Variants in ESYT2 observed in about 807,000 individuals in gnomAD.
ESYT2 encodes the protein extended synaptotagmin-2.
ESYT2 carries 54 observed loss-of-function variants against 107.2 expected under a neutral mutation model. The observed-to-expected ratio is 0.50, with a 90% CI of 0.40 to 0.63. The LOEUF (loss-of-function observed/expected upper bound fraction) is 0.63. ESYT2 is among the 30% of genes least tolerant of loss of function. The pLI, the probability that ESYT2 is intolerant of heterozygous loss-of-function variation, is 0.00. For missense variants in ESYT2, 1,020 were observed against 1,094.5 expected, an observed-to-expected ratio of 0.93 and a Z score of 0.96; for synonymous variants, 491 against 434.1, an observed-to-expected ratio of 1.13 and a Z score of -1.63.
chr7:158,763,025 T>C, intron 10 of ESYT2, 58 bp downstream of exon 10: 1 of 1,229,190 alleles, frequency 8.1e-7, no homozygotes, highest in Non-Finnish European at 1.2e-6. Context: ...CTTTTGATTA[T>C]TAAACAAAAA....
intron 1 of ESYT2, among the ~76,000 whole-genome samples, chr7:158,818,411 G>C (rs113854923): frequency 6.6e-6 from 1 of 152,204 alleles, no homozygotes; most frequent in Non-Finnish European, 1.5e-5. Flanking sequence ...ATACTTGCAA[G>C]TGTTAATAAC....
At chr7:158,735,399 T>G in intron 21 of ESYT2, 104 bp downstream of exon 21, 1 of 855,810 alleles carries the variant, frequency 1.2e-6, no homozygotes, top group Non-Finnish European at 1.9e-6. Context: ...ACCTCGTAAG[T>G]TCGCCCCTTC....
At chr7:158,778,847 C>CT (rs1287355929) in intron 6 of ESYT2, among the ~76,000 whole-genome samples, 3,866 of 143,478 alleles carry the variant, frequency 0.027, 92 homozygotes, top group African/African-American at 0.07. Context: ...GCTGGCTTCA[C>CT]TTTTTTTTTT....
chr7:158,792,326 C>G (rs1176940340), intron 4 of ESYT2, among the ~76,000 whole-genome samples: 1 of 150,658 alleles, frequency 6.6e-6, no homozygotes, highest in Non-Finnish European at 1.5e-5. Flanking sequence ...GAGTTCGAGA[C>G]TAGCCTGAGA....
chr7:158,784,711 T>C (rs1839047715), intron 6 of ESYT2, among the ~76,000 whole-genome samples: 1 of 152,256 alleles, frequency 6.6e-6, no homozygotes, highest in Non-Finnish European at 1.5e-5. Context: ...GTCTCCTTTT[T>C]ATCCCCATTT....
rs190597733 is a variant in ESYT2, at chr7:158,767,339, G to A, written c.924+315C>T. Among the ~76,000 whole-genome samples, 58 of 152,288 alleles carry A rather than the reference G, an allele frequency of 3.8e-4. No homozygotes were observed. In the East Asian group the frequency reaches 0.01, roughly 27 times the overall value. ...GTCCATTTTAATAAAAACAAATGCA[G>A]TATGTGCTTTCTGAGGTAACTAAGA... On this transcript the variant is annotated intron_variant, in intron 8 of 22. Coordinates refer to ENST00000275418, the MANE Select transcript of ESYT2 (RefSeq NM_001367773.1).
intron 3 of ESYT2, among the ~76,000 whole-genome samples, chr7:158,797,323 T>A (rs1839493891): frequency 6.6e-6 from 1 of 151,862 alleles, no homozygotes; most frequent in Non-Finnish European, 1.5e-5. Flanking sequence ...AACTTTTAAA[T>A]TTTTTTGTAG....
At chr7:158,827,908 T>C (rs1840503015) in intron 1 of ESYT2, among the ~76,000 whole-genome samples, 1 of 152,154 alleles carries the variant, frequency 6.6e-6, no homozygotes, top group African/African-American at 2.4e-5. Flanking sequence ...AAGAAAGAAT[T>C]AGGGAATGAC....
intron 1 of ESYT2, among the ~76,000 whole-genome samples, chr7:158,810,863 A>G (rs1173358196): frequency 1.3e-5 from 2 of 152,130 alleles, no homozygotes; most frequent in Non-Finnish European, 2.9e-5. Flanking sequence ...GGGTTTCTTT[A>G]CAGAAGACAA....
At position 158,741,902 on chromosome 7, in the gene ESYT2, G is replaced by A; in HGVS notation, c.1795-6C>T. 1 of 1,576,540 alleles carries A rather than the reference G, an allele frequency of 6.3e-7. No individual in the cohort carries two copies. Among genetic ancestry groups the A allele is most frequent in the Non-Finnish European group, 8.6e-7 (1 of 1,163,266 alleles). On this transcript the variant is annotated splice_region_variant and splice_polypyrimidine_tract_variant and intron_variant, in intron 17 of 22. Transcript: ENST00000275418. Reference sequence around the variant, plus strand: ...CGCTTTTCGAGATGGAGCACCTAGAGGTGGACATAAACATAAAAATTAAAC... The same window carrying A: ...CGCTTTTCGAGATGGAGCACCTAGAAGTGGACATAAACATAAAAATTAAAC...
At position 158,739,085 on chromosome 7, in the gene ESYT2, G is replaced by A. The variant is rs1214572998; in HGVS notation, c.2205C>T (p.Ile735=). The A allele has an allele frequency of 1.9e-6, 3 of 1,614,026 alleles. No homozygotes were observed. The highest frequency in any genetic ancestry group is 8.5e-7 in the Non-Finnish European group (1 of 1,180,008). The change falls in exon 19 of 23, where the codon ATC becomes ATT. Residue 735 remains isoleucine (I), a synonymous_variant. Transcript: ENST00000275418. ...TTLGQSPLGQ[I]QLTIRHSSQR... is the part of the protein sequence containing the mutation. ...GCGAGCTGTGCCGGATGGTCAGCTG[G>A]ATCTGCCCCAGTGGAGACTGTCCCA...
At chr7:158,800,996 C>G (rs369689814) in intron 1 of ESYT2, among the ~76,000 whole-genome samples, 3 of 152,248 alleles carry the variant, frequency 2.0e-5, no homozygotes, top group African/African-American at 7.2e-5. Context: ...ACATCAGCAC[C>G]CCCCGAGTGG....
chr7:158,807,506 A>G (rs867184399), intron 1 of ESYT2, among the ~76,000 whole-genome samples: 2 of 152,326 alleles, frequency 1.3e-5, no homozygotes, highest in South Asian at 2.1e-4. Context: ...TTTGTACACA[A>G]TGAAGAAACA....
intron 14 of ESYT2, among the ~76,000 whole-genome samples, chr7:158,750,546 G>A (rs148991100): frequency 1.9e-3 from 290 of 152,242 alleles, no homozygotes; most frequent in African/African-American, 6.6e-3. Context: ...TCAGAAATAG[G>A]TGTCAAAATC....
intron 1 of ESYT2, among the ~76,000 whole-genome samples, chr7:158,810,071 T>G (rs935641453): frequency 2.0e-5 from 3 of 152,224 alleles, no homozygotes; most frequent in Non-Finnish European, 4.4e-5. Context: ...TCTCATTTGT[T>G]GCCAGTGGTA....
intron 10 of ESYT2, 102 bp from the exon 11 acceptor site, chr7:158,761,646 A>G (rs1293818559): frequency 9.4e-7 from 1 of 1,067,416 alleles, no homozygotes; most frequent in African/African-American, 1.6e-5. Context: ...AACAACCTTA[A>G]GCATTTGTCT....
At chr7:158,828,669 C>G (rs769815857) in intron 1 of ESYT2, among the ~76,000 whole-genome samples, 4 of 152,186 alleles carry the variant, frequency 2.6e-5, no homozygotes, top group Non-Finnish European at 2.9e-5. Context: ...GGAGGGAGGG[C>G]ACGGAGCACT....
chr7:158,734,357 C>T, intron 22 of ESYT2, 65 bp downstream of exon 22: 7 of 1,611,710 alleles, frequency 4.3e-6, no homozygotes, highest in Non-Finnish European at 5.9e-6. Flanking sequence ...GGACACTACC[C>T]ACTGGGCGGG....
intron 2 of ESYT2, 108 bp from the exon 3 acceptor site, chr7:158,798,184 A>T (rs1215777215): frequency 9.2e-6 from 11 of 1,195,030 alleles, no homozygotes; most frequent in Non-Finnish European, 1.3e-5. Flanking sequence ...TTTGAAAATA[A>T]AGGGCGGGAG....
Sources: gnomAD v4.1 joint callset for allele counts (sites outside exome capture counted in the v4.1 genomes callset) on GRCh38, gnomAD v4.1.1 for gene constraint, MANE v1.5 for transcripts, NCBI Gene and HGNC (gene_info 2026-07-23, HGNC 2026-07-21) for gene names.